Variants in CCDC77 observed in about 807,000 individuals in gnomAD.
CCDC77 encodes the protein coiled-coil domain-containing protein 77.
A neutral mutation model predicts 66.8 loss-of-function variants in CCDC77; 56 were observed. The ratio of observed to expected loss-of-function variants is 0.84; its 90% confidence interval spans 0.68 to 1.05. CCDC77 has a LOEUF of 1.05. CCDC77 is among the 50% of genes least tolerant of loss of function. The pLI is 0.00. For missense variants in CCDC77, 570 were observed against 576.8 expected, an observed-to-expected ratio of 0.99 and a Z score of 0.12; for synonymous variants, 196 against 195.2, an observed-to-expected ratio of 1.00 and a Z score of -0.03.
At chr12:415,159 T>C (rs1283714666) in intron 4 of CCDC77, among the ~76,000 whole-genome samples, 2 of 151,414 alleles carry the variant, frequency 1.3e-5, no homozygotes, top group African/African-American at 4.9e-5. Context: ...GTGCCCAGCC[T>C]AATTGTTTTT....
At chr12:439,177 AC>A (rs1945813885) in intron 10 of CCDC77, among the ~76,000 whole-genome samples, 1 of 152,202 alleles carries the variant, frequency 6.6e-6, no homozygotes, top group South Asian at 2.1e-4. Context: ...CATGGTGTTT[AC>A]ATTTTAATGG....
intron 2 of CCDC77, among the ~76,000 whole-genome samples, chr12:405,773 C>T (rs1944978967): frequency 6.6e-6 from 1 of 152,066 alleles, no homozygotes; most frequent in South Asian, 2.1e-4. Flanking sequence ...TATACATATA[C>T]ACTTAGTATG....
At chr12:422,552 C>T (rs1013274609) in intron 5 of CCDC77, among the ~76,000 whole-genome samples, 2 of 152,210 alleles carry the variant, frequency 1.3e-5, no homozygotes, top group Non-Finnish European at 2.9e-5. Context: ...TTTCACTCAG[C>T]GTAATGTCTT....
intron 1 of CCDC77, among the ~76,000 whole-genome samples, chr12:402,379 A>C (rs1231794873): frequency 6.6e-6 from 1 of 152,208 alleles, no homozygotes; most frequent in Non-Finnish European, 1.5e-5. Context: ...ATTTTTGCTA[A>C]ATCATTTTGG....
At chr12:411,259 T>C (rs1343912852) in intron 3 of CCDC77, among the ~76,000 whole-genome samples, 4 of 152,126 alleles carry the variant, frequency 2.6e-5, no homozygotes, top group South Asian at 2.1e-4. Flanking sequence ...CTGCAACCTC[T>C]GCCTCCCAGG....
At chr12:409,661 C>CATA in intron 3 of CCDC77, 1 of 487,590 alleles carries the variant, frequency 2.1e-6, no homozygotes, top group Non-Finnish European at 3.7e-6. Flanking sequence ...TGATTACAGG[C>CATA]ATAAGCCACT....
chr12:417,449 C>G (rs1446401509), intron 4 of CCDC77, among the ~76,000 whole-genome samples: 1 of 152,154 alleles, frequency 6.6e-6, no homozygotes, highest in Non-Finnish European at 1.5e-5. Context: ...TCCTGCCACG[C>G]TTTCCCCCAC....
At chr12:391,166 T>A (rs940413023) in intron 1 of CCDC77, among the ~76,000 whole-genome samples, 3 of 152,226 alleles carry the variant, frequency 2.0e-5, no homozygotes, top group African/African-American at 7.2e-5. Context: ...TTATAATGAT[T>A]TATGTCCAGG....
At chr12:435,064 TG>T (rs1469545903) in intron 9 of CCDC77, among the ~76,000 whole-genome samples, 1 of 120,084 alleles carries the variant, frequency 8.3e-6, no homozygotes, top group Non-Finnish European at 1.8e-5. Context: ...TCTAGTTTCA[TG>T]GTATCACATG....
intron 5 of CCDC77, among the ~76,000 whole-genome samples, chr12:420,214 ACC>A (rs199897961): frequency 6.2e-5 from 1 of 16,160 alleles, no homozygotes. Flanking sequence ...ACATAGCAGC[ACC>A]CTCCATGTTC....
At chr12:424,354 C>T (rs944055546) in intron 5 of CCDC77, among the ~76,000 whole-genome samples, 2 of 151,612 alleles carry the variant, frequency 1.3e-5, no homozygotes, top group African/African-American at 4.8e-5. Flanking sequence ...CCATAGATTG[C>T]CTTTTTATTT....
At chr12:428,900 C>CT in intron 6 of CCDC77, 35 bp downstream of exon 6, 1 of 1,366,966 alleles carries the variant, frequency 7.3e-7, no homozygotes, top group Non-Finnish European at 1.0e-6. Context: ...GTGAGTGTGG[C>CT]TTTACAAGTC....
Position 441,846 on chromosome 12 carries a change from C to T in CCDC77, c.1393C>T (p.His465Tyr), listed in dbSNP as rs1230667324. ...GGTCCGTGACAGCAATAGACGGGCA[C>T]ATAAGATACAAGGAGAACTGAAGAA... The part of the protein sequence containing the change: ...CEVRDSNRRA[H>Y]KIQGELKNLK... The change falls in exon 13 of 13, where the codon CAT becomes TAT. Residue 465 changes from histidine to tyrosine, a missense_variant. His to Tyr is a moderately conservative substitution (Grantham distance 83, BLOSUM62 2). Transcript: ENST00000239830. 6.2e-7 allele frequency: 1 copy of T among 1,612,958 alleles called. No individual in the cohort carries two copies. Among genetic ancestry groups the T allele is most frequent in the East Asian group, 2.2e-5 (1 of 44,838 alleles).
intron 4 of CCDC77, among the ~76,000 whole-genome samples, chr12:416,355 G>GTATATATATATATA: frequency 9.4e-5 from 3 of 31,748 alleles, no homozygotes; most frequent in South Asian, 3.4e-3. Context: ...GTGTGTGTGT[G>GTATATATATATATA]TGTGTGTGTG....
chr12:414,160 C>G (rs186514201), intron 4 of CCDC77, among the ~76,000 whole-genome samples: 1 of 150,626 alleles, frequency 6.6e-6, no homozygotes, highest in Non-Finnish European at 1.5e-5. Context: ...GGCACAATCT[C>G]GGCTCACTGC....
chr12:423,477 G>GTTTTTTTTTTTTTTTTTTTTTTTTTTTT (rs1565572179), intron 5 of CCDC77, among the ~76,000 whole-genome samples: 1 of 24,958 alleles, frequency 4.0e-5, no homozygotes, highest in African/African-American at 9.6e-5. Context: ...TGTGTTTTTT[G>GTTTTTTTTTTTTTTTTTTTTTTTTTTTT]TGTTTTTTTT....
intron 4 of CCDC77, among the ~76,000 whole-genome samples, chr12:413,879 C>T (rs1422763923): frequency 1.4e-4 from 21 of 151,632 alleles, no homozygotes; most frequent in African/African-American, 4.9e-4. Context: ...CTGCCTGCCT[C>T]GGCCTTCCAA....
chr12:428,948 C>T lies in CCDC77; in HGVS notation c.510+83C>T, dbSNP rs143797506. 653 of 794,024 alleles carry T rather than the reference C, an allele frequency of 8.2e-4. 8 individuals are homozygous for T. The East Asian group carries it at 0.012, about 14-fold the overall frequency. The allele number at this position is 794,024 out of a possible 1,614,324, so 49.2% of individuals were successfully genotyped here. ...CCATCATCAGAAGAACTTTAGTATC[C>T]GCTGGAGAAGGCAGATGGAGAATTA... is the stretch of plus-strand genomic sequence containing the variant. On this transcript the variant is annotated intron_variant, in intron 6 of 12. Coordinates refer to ENST00000239830, the MANE Select transcript of CCDC77 (RefSeq NM_032358.4).
chr12:438,567 T>C lies in CCDC77; in HGVS notation c.1041+13T>C. 1 of 1,571,660 alleles carries C rather than the reference T, an allele frequency of 6.4e-7. No homozygotes were observed. The highest frequency in any genetic ancestry group is 8.7e-7 in the Non-Finnish European group (1 of 1,151,580). Reference sequence around the variant, plus strand: ...TGAATATATTAAGGTAATGTCCTTATGTCGTAACGAAGTTGTTTATTTTTC... The same window carrying C: ...TGAATATATTAAGGTAATGTCCTTACGTCGTAACGAAGTTGTTTATTTTTC... On this transcript the variant is annotated intron_variant, in intron 10 of 12. Transcript: ENST00000239830.
Sources: gnomAD v4.1 joint callset for allele counts (sites outside exome capture counted in the v4.1 genomes callset) on GRCh38, gnomAD v4.1.1 for gene constraint, MANE v1.5 for transcripts, NCBI Gene and HGNC (gene_info 2026-07-23, HGNC 2026-07-21) for gene names.